CRPPA: variants seen among roughly 807,000 people sequenced by gnomAD.
CRPPA encodes the protein CDP-L-ribitol pyrophosphorylase A.
Under a neutral mutation model 52.0 loss-of-function variants are expected in CRPPA, and 43 were observed. That is an observed-to-expected ratio of 0.83 (90% CI 0.65 to 1.07). The LOEUF is 1.07. CRPPA is among the 50% of genes least tolerant of loss of function. The pLI, the probability that CRPPA is intolerant of heterozygous loss-of-function variation, is 0.00. For missense variants in CRPPA, 629 were observed against 551.7 expected (o/e 1.14, Z -1.40); for synonymous variants, 250 against 203.5 (o/e 1.23, Z -1.94).
intron 8 of CRPPA, among the ~76,000 whole-genome samples, chr7:16,242,591 G>A (rs767369240): frequency 5.3e-5 from 8 of 152,138 alleles, no homozygotes; most frequent in Non-Finnish European, 1.2e-4. Context: ...TGAGCTCCTC[G>A]ACAACAGAGT....
At chr7:16,095,281 T>C (rs1203394816) in intron 9 of CRPPA, among the ~76,000 whole-genome samples, 2 of 152,200 alleles carry the variant, frequency 1.3e-5, no homozygotes, top group Admixed American at 6.5e-5. Context: ...TAATAAACTA[T>C]GCAGTTGGGA....
intron 9 of CRPPA, among the ~76,000 whole-genome samples, chr7:16,215,194 C>A (rs1350582710): frequency 6.6e-6 from 1 of 152,124 alleles, no homozygotes; most frequent in African/African-American, 2.4e-5. Flanking sequence ...AGTTTAAATA[C>A]CTGTCATTCA....
intron 9 of CRPPA, among the ~76,000 whole-genome samples, chr7:16,171,442 T>C (rs56033714): frequency 0.3 from 46,219 of 152,090 alleles, 8,400 homozygotes; most frequent in Admixed American, 0.41. Context: ...AAAAGTATTT[T>C]CCAAGAAAAT....
chr7:16,329,031 A>G (rs1040256845), intron 3 of CRPPA, among the ~76,000 whole-genome samples: 1 of 152,200 alleles, frequency 6.6e-6, no homozygotes, highest in South Asian at 2.1e-4. Context: ...TAAGTCCACA[A>G]TGGCAAAATT....
intron 3 of CRPPA, among the ~76,000 whole-genome samples, chr7:16,358,179 C>A (rs1786353153): frequency 6.6e-6 from 1 of 152,134 alleles, no homozygotes; most frequent in Admixed American, 6.5e-5. Context: ...AGAGTAAACA[C>A]CACCGAGTGC....
intron 8 of CRPPA, among the ~76,000 whole-genome samples, chr7:16,228,280 G>C (rs1253952352): frequency 6.6e-6 from 1 of 151,732 alleles, no homozygotes; most frequent in African/African-American, 2.4e-5. Context: ...TAGTTTCGTA[G>C]ATCTATTCTA....
chr7:16,257,676 G>A (rs944655992), intron 8 of CRPPA, among the ~76,000 whole-genome samples: 1 of 152,044 alleles, frequency 6.6e-6, no homozygotes, highest in South Asian at 2.1e-4. Flanking sequence ...GAACTTCGAA[G>A]CTGCTAGGCA....
intron 2 of CRPPA, among the ~76,000 whole-genome samples, chr7:16,377,753 A>C (rs991094353): frequency 5.9e-5 from 9 of 152,198 alleles, no homozygotes; most frequent in Non-Finnish European, 1.0e-4. Flanking sequence ...ATGGCTAAAA[A>C]GATACGGCCC....
Position 16,365,333 on chromosome 7 carries a change from GT to G in CRPPA, c.684+10758del, listed in dbSNP as rs553317608. On this transcript the variant is annotated intron_variant, in intron 3 of 9. Transcript: ENST00000407010. The stretch of plus-strand genomic sequence containing the variant: ...TTTTTGGATAAGCCTGTCTGGATAT[GT>G]CCCCATGTGATGAAGTGACCAGCTG... Among the ~76,000 whole-genome samples the G allele has an allele frequency of 2.6e-5, 4 of 152,296 alleles. No homozygotes were observed. The East Asian group carries it at 7.7e-4, about 29-fold the overall frequency.
chr7:16,373,187 T>G (rs1354200532), intron 3 of CRPPA, among the ~76,000 whole-genome samples: 3 of 151,896 alleles, frequency 2.0e-5, no homozygotes, highest in African/African-American at 7.3e-5. Context: ...TCCCAGCTAT[T>G]TGGGAGGCTG....
chr7:16,109,722 C>T (rs2109370), intron 9 of CRPPA, among the ~76,000 whole-genome samples: 119,836 of 151,904 alleles, frequency 0.79, 48,658 homozygotes, highest in Admixed American at 0.88. Flanking sequence ...ATAATCTCAT[C>T]CAGATGCAAA....
chr7:16,206,419 A>G (rs980526954), intron 9 of CRPPA, among the ~76,000 whole-genome samples: 4 of 152,072 alleles, frequency 2.6e-5, no homozygotes, highest in Admixed American at 2.6e-4. Context: ...GTGGTAAACA[A>G]AAAAAAGCAG....
chr7:16,162,272 G>C (rs1478359259), intron 9 of CRPPA, among the ~76,000 whole-genome samples: 2 of 152,182 alleles, frequency 1.3e-5, no homozygotes, highest in Non-Finnish European at 2.9e-5. Flanking sequence ...TGATATGAGG[G>C]TGTCAATTTT....
chr7:16,204,551 A>G (rs549159537), intron 9 of CRPPA, among the ~76,000 whole-genome samples: 2 of 152,164 alleles, frequency 1.3e-5, no homozygotes, highest in African/African-American at 4.8e-5. Flanking sequence ...TAGATACACT[A>G]AAAGCCAAGA....
chr7:16,174,855 T>C (rs1447070387), intron 9 of CRPPA, among the ~76,000 whole-genome samples: 1 of 152,170 alleles, frequency 6.6e-6, no homozygotes, highest in African/African-American at 2.4e-5. Flanking sequence ...AAGAGCTCAA[T>C]TTAAGATCAA....
intron 1 of CRPPA, among the ~76,000 whole-genome samples, chr7:16,419,106 T>C (rs1365568817): frequency 1.3e-5 from 2 of 152,186 alleles, no homozygotes; most frequent in Middle Eastern, 3.2e-3. Context: ...CTCTCCCCAC[T>C]ACCCAGAGAA....
At position 16,258,944 on chromosome 7, in the gene CRPPA, T is replaced by C. The variant is rs1783720144; in HGVS notation, c.1002A>G (p.Gln334=). ...CATTCACACAAACAAAATTGTAGCA[T>C]TGATCTAAGATGATTTGCTGAAGAT... ...GRHLQQIILD[Q]CYNFVCVNVT... Residue 334 remains glutamine (Q), a synonymous_variant, in exon 7 of 10, where the codon CAA becomes CAG. Coordinates refer to ENST00000407010, the MANE Select transcript of CRPPA (RefSeq NM_001101426.4). 6.2e-7 allele frequency: 1 copy of C among 1,610,266 alleles called. No individual in the cohort carries two copies. Among genetic ancestry groups the C allele is most frequent in the Admixed American group, 1.7e-5 (1 of 59,516 alleles).
intron 3 of CRPPA, among the ~76,000 whole-genome samples, chr7:16,310,264 T>A (rs1293749006): frequency 6.6e-6 from 1 of 151,498 alleles, no homozygotes; most frequent in Admixed American, 6.6e-5. Context: ...GAAAACAGTG[T>A]CTAACAGCCT....
chr7:16,254,842 AAAGAG>A (rs1463125800), intron 8 of CRPPA, among the ~76,000 whole-genome samples: 3 of 151,116 alleles, frequency 2.0e-5, no homozygotes, highest in Non-Finnish European at 4.4e-5. Context: ...AGAAAGAAAG[AAAGAG>A]AAAGAAGAAA....
Sources: allele counts gnomAD v4.1 joint callset (sites outside exome capture counted in the v4.1 genomes callset), GRCh38; gene constraint gnomAD v4.1.1; transcripts MANE v1.5; gene names NCBI Gene and HGNC (gene_info 2026-07-23, HGNC 2026-07-21).